Variants in XKR8 observed in about 807,000 individuals in gnomAD.
XKR8 encodes the protein XK-related protein 8.
A neutral mutation model predicts 17.1 loss-of-function variants in XKR8; 10 were observed. That is an observed-to-expected ratio of 0.59 (90% CI 0.36 to 0.99). The LOEUF (loss-of-function observed/expected upper bound fraction) is 0.99. XKR8 is among the 50% of genes least tolerant of loss of function. The pLI is 0.01. For synonymous variants in XKR8, 213 were observed against 251.9 expected (o/e 0.85, Z 1.46); for missense variants, 411 against 515.6 (o/e 0.80, Z 1.96).
intron 1 of XKR8, among the ~76,000 whole-genome samples, chr1:27,963,008 G>A (rs1294645121): frequency 6.6e-6 from 1 of 152,128 alleles, no homozygotes; most frequent in African/African-American, 2.4e-5. Flanking sequence ...AGTAGAAGGT[G>A]TATTGATCCC....
At chr1:27,961,737 C>G (rs1291889868) in intron 1 of XKR8, among the ~76,000 whole-genome samples, 2 of 152,202 alleles carry the variant, frequency 1.3e-5, no homozygotes, top group African/African-American at 4.8e-5. Flanking sequence ...AGGGAGAACC[C>G]CAGCCTGTCC....
Position 27,965,771 on chromosome 1 carries a change from TGA to T in XKR8, c.491-731_491-730del, listed in dbSNP as rs1391773334. On this transcript the variant is annotated intron_variant, in intron 2 of 2. Transcript: ENST00000373884. This position sits in a 1 kb window ranked among gnomAD's most constrained non-coding sequence, Gnocchi z 4.1. ...AGGTTCCCAGTAAACATCTGTCGAA[TGA>T]CTGCGGTGGACGGGGACAGGGGAGG... 6.6e-6 allele frequency among the ~76,000 whole-genome samples: 1 copy of T among 152,172 alleles called. No homozygotes were observed. The highest frequency in any genetic ancestry group is 1.5e-5 in the Non-Finnish European group (1 of 68,012).
chr1:27,966,327 G>A lies in XKR8; in HGVS notation c.491-176G>A, dbSNP rs1638566733. On this transcript the variant is annotated intron_variant, in intron 2 of 2. Transcript: ENST00000373884. This position sits in a 1 kb window ranked among gnomAD's most constrained non-coding sequence, Gnocchi z 4.3. ...GCTCTATATTAGGAGTCATAGCTTT[G>A]TTTTTGGTTGTGGGAACTCACTGGG... Among the ~76,000 whole-genome samples the A allele has an allele frequency of 6.6e-6, 1 of 152,134 alleles. No homozygotes were observed. Among genetic ancestry groups the A allele is most frequent in the Non-Finnish European group, 1.5e-5 (1 of 68,024 alleles).
chr1:27,966,468 C>T lies in XKR8; in HGVS notation c.491-35C>T, dbSNP rs1571676190. 4.4e-6 allele frequency: 7 copies of T among 1,577,650 alleles called. No individual in the cohort carries two copies. Among genetic ancestry groups the T allele is most frequent in the Non-Finnish European group, 6.0e-6 (7 of 1,157,968 alleles). On this transcript the variant is annotated intron_variant, in intron 2 of 2. Coordinates refer to ENST00000373884, the MANE Select transcript of XKR8 (RefSeq NM_018053.4). The surrounding 1 kb of genome is among the most constrained non-coding windows in gnomAD (Gnocchi z 4.3). ...CGCTGGGGAGTGCCAAGCAGGCTGG[C>T]CCCAGGACTCACTGTTCCCTCCTAC...
chr1:27,967,476 GACTACCT>G lies in XKR8; in HGVS notation c.*277_*283del, dbSNP rs1638600889. ...TACAAGACACTTTGGGAGGAAAGAAGACTACCTTTTCCCCCTGCCATTGGTATAGCTG... is the reference window on the plus strand; with the variant it reads ...TACAAGACACTTTGGGAGGAAAGAAGTTTCCCCCTGCCATTGGTATAGCTG... On this transcript the variant is annotated 3_prime_UTR_variant, in exon 3 of 3. Transcript: ENST00000373884. This position sits in a 1 kb window ranked among gnomAD's most constrained non-coding sequence, Gnocchi z 4.3. 1 of 279,516 alleles carries G rather than the reference GACTACCT, an allele frequency of 3.6e-6. No homozygotes were observed. Among genetic ancestry groups the G allele is most frequent in the Non-Finnish European group, 6.7e-6 (1 of 148,798 alleles). 17.3% of individuals were successfully genotyped at this position (279,516 alleles called of 1,614,324 possible).
At chr1:27,963,714 G>T (rs759253565) in intron 2 of XKR8, 21 bp downstream of exon 2, 127 of 1,513,196 alleles carry the variant, frequency 8.4e-5, no homozygotes, top group Non-Finnish European at 1.1e-4. Flanking sequence ...GCCTGTGGCT[G>T]GCCCCCCTGT....
In XKR8 at chr1:27,960,586, CTG is replaced by C. The variant is rs1430859677; in HGVS notation, c.293+225_293+226del. On this transcript the variant is annotated intron_variant, in intron 1 of 2. Coordinates refer to ENST00000373884, the MANE Select transcript of XKR8 (RefSeq NM_018053.4). The surrounding 1 kb of genome is among the most constrained non-coding windows in gnomAD (Gnocchi z 5.9). ...AGCTTTCCTGGCACAGGCGAAGAAA[CTG>C]AGGCCCAGGGAAGAAAGGGAGGCGC... Among the ~76,000 whole-genome samples the C allele has an allele frequency of 1.3e-5, 2 of 152,246 alleles. No homozygotes were observed. The highest frequency in any genetic ancestry group is 4.8e-5 in the African/African-American group (2 of 41,474).
chr1:27,961,310 C>G (rs988209760), intron 1 of XKR8, among the ~76,000 whole-genome samples: 3 of 152,150 alleles, frequency 2.0e-5, no homozygotes, highest in African/African-American at 7.2e-5. Flanking sequence ...CAGAGGCATG[C>G]GACAAAGTCA....
At chr1:27,961,550 G>A (rs1638470421) in intron 1 of XKR8, among the ~76,000 whole-genome samples, 2 of 152,220 alleles carry the variant, frequency 1.3e-5, no homozygotes, top group South Asian at 2.1e-4. Context: ...AGGCCTCCAT[G>A]AGCCGTGAAT....
At position 27,966,862 on chromosome 1, in the gene XKR8, C is replaced by T. The variant is rs373110864; in HGVS notation, c.850C>T (p.Arg284Trp). The T allele has an allele frequency of 8.7e-6, 14 of 1,614,032 alleles. No homozygotes were observed. The highest frequency in any genetic ancestry group is 1.6e-4 in the Middle Eastern group (1 of 6,082). The change falls in exon 3 of 3, where the codon CGG (arginine) becomes TGG (tryptophan). Residue 284 changes from arginine (R) to tryptophan (W), a missense_variant. Physicochemically the swap from Arg to Trp is moderately radical, Grantham distance 101. Coordinates refer to ENST00000373884, the MANE Select transcript of XKR8 (RefSeq NM_018053.4). This position sits in a 1 kb window ranked among gnomAD's most constrained non-coding sequence, Gnocchi z 4.3. ...FNVAEGRTRGRAIIHFAFLLS... is the reference protein window; with the variant it reads ...FNVAEGRTRGWAIIHFAFLLS... ...CGTGGCTGAGGGCCGCACCCGAGGC[C>T]GGGCCATCATCCACTTCGCCTTCCT...
chr1:27,968,042 T>C lies in XKR8; in HGVS notation c.*842T>C, dbSNP rs1380573253. ...TGTGGGTCTCTACAAGTGACAGATGTGTTGTTTTCAACAGTATTATTAGGT... is the reference window on the plus strand; with the variant it reads ...TGTGGGTCTCTACAAGTGACAGATGCGTTGTTTTCAACAGTATTATTAGGT... On this transcript the variant is annotated 3_prime_UTR_variant, in exon 3 of 3. Transcript: ENST00000373884. 1.3e-5 allele frequency: 2 copies of C among 152,690 alleles called. No individual in the cohort carries two copies. The highest frequency in any genetic ancestry group is 2.9e-5 in the Non-Finnish European group (2 of 68,074). The allele number at this position is 152,690 out of a possible 1,614,324, so 9.5% of individuals were successfully genotyped here.
chr1:27,963,328 C>T (rs577114033), intron 1 of XKR8, among the ~76,000 whole-genome samples, 169 bp from the exon 2 acceptor site: 1 of 152,368 alleles, frequency 6.6e-6, no homozygotes, highest in East Asian at 1.9e-4. Flanking sequence ...CCTCGATCCT[C>T]ATTTTACAGA....
At chr1:27,962,960 G>A (rs1409007420) in intron 1 of XKR8, among the ~76,000 whole-genome samples, 1 of 152,232 alleles carries the variant, frequency 6.6e-6, no homozygotes, top group Non-Finnish European at 1.5e-5. Context: ...AACAGGACAA[G>A]GTTTGTGATG....
intron 1 of XKR8, among the ~76,000 whole-genome samples, chr1:27,963,017 C>T (rs1331725691): frequency 3.9e-5 from 6 of 151,942 alleles, no homozygotes; most frequent in Admixed American, 6.6e-5. Context: ...TGTATTGATC[C>T]CCATTTTTGC....
rs760068488 is a variant in XKR8 at position 27,960,105 on chromosome 1, C to T, written c.36C>T (p.Asp12=). ...CGTCCCGCGGCGCCCTCCTTCGGGA[C>T]CTGGTCCTGGGCGTGCTGGGCACCG... ...PWSSRGALLR[D]LVLGVLGTAA... is the part of the protein sequence containing the mutation. Residue 12 remains aspartate (D), a synonymous_variant, in exon 1 of 3, where the codon GAC becomes GAT. Coordinates refer to ENST00000373884, the MANE Select transcript of XKR8 (RefSeq NM_018053.4). The surrounding 1 kb of genome is among the most constrained non-coding windows in gnomAD (Gnocchi z 5.9). 8.7e-6 allele frequency: 13 copies of T among 1,501,012 alleles called. No individual in the cohort carries two copies. The African/African-American group carries it at 1.6e-4, about 18-fold the overall frequency. The allele number at this position is 1,501,012 out of a possible 1,614,324, so 93.0% of individuals were successfully genotyped here. A position where few individuals can be genotyped will look rare whatever the true frequency, so the allele number is the denominator to read the frequency against.
In XKR8 at chr1:27,960,254, T is replaced by C; in HGVS notation, c.185T>C (p.Leu62Pro). Residue 62 changes from leucine (L) to proline (P), a missense_variant, in exon 1 of 3, where the codon CTC becomes CCC. Transcript: ENST00000373884. The surrounding 1 kb of genome is among the most constrained non-coding windows in gnomAD (Gnocchi z 5.9). The stretch of plus-strand genomic sequence containing the variant: ...GGCCTGGCCTCCGTGGCGCTGCAGC[T>C]CTTCAGCTGGCTCTGGCTGCGCGCT... Reference protein sequence around the residue: ...LLGLASVALQLFSWLWLRADP... With the variant: ...LLGLASVALQPFSWLWLRADP... 1 of 1,523,612 alleles carries C rather than the reference T, an allele frequency of 6.6e-7. No individual in the cohort carries two copies. The allele number at this position is 1,523,612 out of a possible 1,614,324, so 94.4% of individuals were successfully genotyped here. A position where few individuals can be genotyped will look rare whatever the true frequency, so the allele number is the denominator to read the frequency against.
intron 1 of XKR8, among the ~76,000 whole-genome samples, chr1:27,962,580 CAAAA>C (rs1235180519): frequency 3.3e-4 from 47 of 141,210 alleles, no homozygotes; most frequent in African/African-American, 1.1e-3. Context: ...ACTCTGTCTC[CAAAA>C]AAAAAGAAAA....
intron 1 of XKR8, 38 bp from the exon 2 acceptor site, chr1:27,963,459 C>A: frequency 6.4e-7 from 1 of 1,571,270 alleles, no homozygotes; most frequent in South Asian, 1.2e-5. Flanking sequence ...TCACAGGACA[C>A]TAACCTGGCC....
At chr1:27,961,878 A>G (rs1162741569) in intron 1 of XKR8, among the ~76,000 whole-genome samples, 1 of 152,172 alleles carries the variant, frequency 6.6e-6, no homozygotes, top group Non-Finnish European at 1.5e-5. Context: ...TTCTGGGTGG[A>G]GGGTCCTTGG....
Sources: allele counts gnomAD v4.1 joint callset (sites outside exome capture counted in the v4.1 genomes callset), GRCh38; gene constraint gnomAD v4.1.1; non-coding constraint Gnocchi (gnomAD v3.1); transcripts MANE v1.5; gene names NCBI Gene and HGNC (gene_info 2026-07-23, HGNC 2026-07-21).